TAFA5: variants seen among roughly 807,000 people sequenced by gnomAD.
TAFA5 encodes TAFA chemokine like family member 5.
Under a neutral mutation model 15.3 loss-of-function variants are expected in TAFA5, and 6 were observed. The ratio of observed to expected loss-of-function variants is 0.39; its 90% confidence interval spans 0.21 to 0.77. TAFA5 has a LOEUF of 0.77. Ranked by LOEUF, TAFA5 falls within the 30% of genes least tolerant of loss-of-function variation. The probability of loss-of-function intolerance (pLI) is 0.41; values close to 1 mark genes in which losing one functional copy is unlikely to be tolerated. For missense variants in TAFA5, 161 were observed against 193.1 expected (o/e 0.83, Z 0.98); for synonymous variants, 103 against 80.7 (o/e 1.28, Z -1.48).
chr22:48,513,264 A>G (rs914259372), intron 1 of TAFA5, among the ~76,000 whole-genome samples: 4 of 152,254 alleles, frequency 2.6e-5, no homozygotes, highest in Non-Finnish European at 5.9e-5. Flanking sequence ...GACAGACAGC[A>G]GGTCCTGGAG....
At chr22:48,659,675 C>T (rs956104317) in intron 2 of TAFA5, among the ~76,000 whole-genome samples, 2 of 152,186 alleles carry the variant, frequency 1.3e-5, no homozygotes, top group African/African-American at 2.4e-5. Context: ...CAGCTGCTGT[C>T]CTCTCTGAGC....
At chr22:48,593,624 A>G (rs1285319825) in intron 1 of TAFA5, among the ~76,000 whole-genome samples, 1 of 152,122 alleles carries the variant, frequency 6.6e-6, no homozygotes, top group East Asian at 1.9e-4. Flanking sequence ...ATTGCTTAAA[A>G]TTGCACCTTC....
At chr22:48,579,894 T>G (rs908349504) in intron 1 of TAFA5, among the ~76,000 whole-genome samples, 1 of 152,204 alleles carries the variant, frequency 6.6e-6, no homozygotes, top group African/African-American at 2.4e-5. Context: ...CGATCCTTTC[T>G]GAATGGGAGG....
intron 1 of TAFA5, among the ~76,000 whole-genome samples, chr22:48,589,287 G>T (rs1230880415): frequency 1.3e-5 from 2 of 152,226 alleles, no homozygotes; most frequent in Non-Finnish European, 2.9e-5. Context: ...GGTCTCATGG[G>T]ATCATTTATG....
At position 48,542,190 on chromosome 22, in the gene TAFA5, G is replaced by A. The variant is rs146233241; in HGVS notation, c.112+52486G>A. 7.8e-3 allele frequency among the ~76,000 whole-genome samples: 1,145 copies of A among 146,022 alleles called. 26 individuals carry two copies. Among genetic ancestry groups the A allele is most frequent in the African/African-American group, 0.028 (1,077 of 38,714 alleles). On this transcript the variant is annotated intron_variant, in intron 1 of 3. Transcript: ENST00000402357. ...TGTGCATGTGTGATGTGTGTGTCGT[G>A]TGTATGTGTGTGTGATGTACATGAT... is the stretch of plus-strand genomic sequence containing the variant.
Position 48,750,010 on chromosome 22 carries a change from G to A in TAFA5, c.*163G>A, listed in dbSNP as rs528640690. 1.4e-6 allele frequency: 1 copy of A among 711,650 alleles called. No homozygotes were observed. The highest frequency in any genetic ancestry group is 1.7e-5 in the South Asian group (1 of 57,454). The allele number at this position is 711,650 out of a possible 1,614,324, so 44.1% of individuals were successfully genotyped here. On this transcript the variant is annotated 3_prime_UTR_variant, in exon 4 of 4. Transcript: ENST00000402357. ...GGACGGCCTCAGGCCTTGGCATCCT[G>A]AGCTTCGGTCTGTCCAGCCGACCCG...
intron 3 of TAFA5, among the ~76,000 whole-genome samples, chr22:48,748,223 G>A (rs967591390): frequency 6.6e-6 from 1 of 152,254 alleles, no homozygotes; most frequent in East Asian, 1.9e-4. Flanking sequence ...TCCACAGCCC[G>A]GTGTGATGGC....
intron 1 of TAFA5, among the ~76,000 whole-genome samples, chr22:48,616,511 C>T (rs1022664748): frequency 6.6e-6 from 1 of 152,228 alleles, no homozygotes; most frequent in African/African-American, 2.4e-5. Context: ...ACTCGGGATG[C>T]TCCTGGAGCC....
intron 1 of TAFA5, among the ~76,000 whole-genome samples, chr22:48,520,136 C>T (rs1458585066): frequency 2.6e-5 from 4 of 152,240 alleles, no homozygotes; most frequent in Admixed American, 6.5e-5. Context: ...TGGCCAGCCA[C>T]GCTGGAAGCT....
intron 1 of TAFA5, among the ~76,000 whole-genome samples, chr22:48,639,819 C>G (rs1192352831): frequency 1.3e-5 from 2 of 152,234 alleles, no homozygotes; most frequent in African/African-American, 4.8e-5. Flanking sequence ...TTCCTGCCAT[C>G]ACCTGCCGGG....
chr22:48,535,909 A>G (rs1258630822), intron 1 of TAFA5, among the ~76,000 whole-genome samples: 1 of 152,208 alleles, frequency 6.6e-6, no homozygotes, highest in Non-Finnish European at 1.5e-5. Context: ...GTGTGGGTAT[A>G]TGCATATACG....
intron 1 of TAFA5, among the ~76,000 whole-genome samples, chr22:48,527,518 A>G (rs555692494): frequency 2.2e-4 from 33 of 152,320 alleles, no homozygotes; most frequent in African/African-American, 7.5e-4. Context: ...CACGGCCTCC[A>G]GATGGGAACG....
intron 3 of TAFA5, among the ~76,000 whole-genome samples, chr22:48,749,509 G>A (rs1347228238): frequency 6.6e-6 from 1 of 152,182 alleles, no homozygotes; most frequent in Non-Finnish European, 1.5e-5. Context: ...GCCACAGATG[G>A]TTCTTGAGCT....
In TAFA5 at chr22:48,552,464, G is replaced by A. The variant is rs914776874; in HGVS notation, c.112+62760G>A. 2.6e-5 allele frequency among the ~76,000 whole-genome samples: 4 copies of A among 152,146 alleles called. No individual in the cohort carries two copies. Among genetic ancestry groups the A allele is most frequent in the Admixed American group, 6.5e-5 (1 of 15,290 alleles). On this transcript the variant is annotated intron_variant, in intron 1 of 3. Coordinates refer to ENST00000402357, the MANE Select transcript of TAFA5 (RefSeq NM_001082967.3). The surrounding 1 kb of genome is among the most constrained non-coding windows in gnomAD (Gnocchi z 4.1). ...CCTGCTGTGGGAAGCCCTTATGAGC[G>A]TGTACATCCTCTCTCGGGGTCCTGC...
intron 1 of TAFA5, among the ~76,000 whole-genome samples, chr22:48,587,479 G>A (rs1924404622): frequency 6.6e-6 from 1 of 152,178 alleles, no homozygotes; most frequent in Non-Finnish European, 1.5e-5. Flanking sequence ...CTGCAGGCAG[G>A]CATTTAAGGA....
chr22:48,608,530 G>T (rs969983888), intron 1 of TAFA5, among the ~76,000 whole-genome samples: 4 of 152,122 alleles, frequency 2.6e-5, no homozygotes, highest in Admixed American at 1.3e-4. Flanking sequence ...CTTAGTGACA[G>T]CTACGTCTAT....
chr22:48,493,623 C>A (rs1928228741), intron 1 of TAFA5, among the ~76,000 whole-genome samples: 1 of 152,140 alleles, frequency 6.6e-6, no homozygotes, highest in Admixed American at 6.5e-5. Context: ...AAAATTCTCA[C>A]TGTGTTTTTA....
intron 1 of TAFA5, among the ~76,000 whole-genome samples, chr22:48,565,107 G>A (rs940614862): frequency 6.6e-6 from 1 of 152,350 alleles, no homozygotes; most frequent in South Asian, 2.1e-4. Flanking sequence ...TTCCCTGGAG[G>A]AGACTGGCCA....
chr22:48,715,420 C>T (rs560786386), intron 3 of TAFA5, among the ~76,000 whole-genome samples: 10 of 151,838 alleles, frequency 6.6e-5, no homozygotes, highest in African/African-American at 1.7e-4. Context: ...TCAGAGACAG[C>T]GGACATGCAT....
Sources: gnomAD v4.1 joint callset for allele counts (sites outside exome capture counted in the v4.1 genomes callset) on GRCh38, gnomAD v4.1.1 for gene constraint, Gnocchi (gnomAD v3.1) non-coding constraint, MANE v1.5 for transcripts, NCBI Gene and HGNC (gene_info 2026-07-23, HGNC 2026-07-21) for gene names.